Variants in PCDHA7 observed in about 807,000 individuals in gnomAD.
The protein encoded by PCDHA7 is protocadherin alpha-7.
Under a neutral mutation model 57.2 loss-of-function variants are expected in PCDHA7, and 37 were observed. The observed-to-expected ratio is 0.65, with a 90% confidence interval of 0.50 to 0.85. The LOEUF (loss-of-function observed/expected upper bound fraction) is 0.85. Ranked by LOEUF, PCDHA7 falls within the 40% of genes least tolerant of loss-of-function variation. PCDHA7 has a pLI of 0.00. For missense variants in PCDHA7, 1,188 were observed against 1,241.8 expected (o/e 0.96, Z 0.65); for synonymous variants, 553 against 558.8 (o/e 0.99, Z 0.15).
intron 1 of PCDHA7, among the ~76,000 whole-genome samples, chr5:140,950,183 GA>G (rs879992336): frequency 5.9e-5 from 9 of 151,666 alleles, no homozygotes; most frequent in African/African-American, 1.7e-4. Context: ...AATTAAGAAG[GA>G]AAAAAATAGT....
chr5:140,849,616 T>C (rs2150442441), intron 1 of PCDHA7: 3 of 1,598,578 alleles, frequency 1.9e-6, no homozygotes, highest in African/African-American at 2.7e-5. Flanking sequence ...CTGATTAGTG[T>C]GATCGACCTA....
chr5:140,841,813 T>C (rs2150323306), intron 1 of PCDHA7: 1 of 1,613,920 alleles, frequency 6.2e-7, no homozygotes, highest in Non-Finnish European at 8.5e-7. Context: ...ATGTTGGAGC[T>C]AACTCCGTGT....
At chr5:140,870,534 G>C (rs547039725) in intron 1 of PCDHA7, 2 of 1,614,032 alleles carry the variant, frequency 1.2e-6, no homozygotes, top group Non-Finnish European at 1.7e-6. Flanking sequence ...TCACAGTGTC[G>C]GCGCGGGACG....
intron 3 of PCDHA7, among the ~76,000 whole-genome samples, chr5:140,986,030 C>T (rs1190318789): frequency 2.6e-5 from 4 of 152,174 alleles, no homozygotes; most frequent in Non-Finnish European, 2.9e-5. Flanking sequence ...TGAGCCACTG[C>T]GCCTGGCCTC....
chr5:141,009,174 G>A (rs1281128951), intron 3 of PCDHA7, among the ~76,000 whole-genome samples: 1 of 152,228 alleles, frequency 6.6e-6, no homozygotes, highest in African/African-American at 2.4e-5. Flanking sequence ...ACTGGCCTTG[G>A]CTGGGTGTGG....
At chr5:140,852,867 T>A (rs2042500160) in intron 1 of PCDHA7, 1 of 952,126 alleles carries the variant, frequency 1.1e-6, no homozygotes, top group African/African-American at 1.8e-5. Context: ...TACTATGTCA[T>A]CAATAATCAT....
chr5:140,850,031 G>A (rs2150464401), intron 1 of PCDHA7: 5 of 1,596,722 alleles, frequency 3.1e-6, no homozygotes, highest in East Asian at 4.5e-5. Context: ...CAGTGCACGC[G>A]GAGAGCGGCA....
At position 140,858,141 on chromosome 5, in the gene PCDHA7, T is replaced by C. The variant is rs1247420166; in HGVS notation, c.2355+21403T>C. 4 of 1,597,496 alleles carry C rather than the reference T, an allele frequency of 2.5e-6. No individual in the cohort carries two copies. The African/African-American group carries it at 5.4e-5, about 21-fold the overall frequency. ...GCCCTGGTGGATGTCAACGTGTACC[T>C]GATCATCGCCATCTGCGCGGTGTCC... On this transcript the variant is annotated intron_variant, in intron 1 of 3. Transcript: ENST00000525929.
chr5:140,941,996 A>G (rs951664999), intron 1 of PCDHA7, among the ~76,000 whole-genome samples: 1 of 152,220 alleles, frequency 6.6e-6, no homozygotes, highest in Non-Finnish European at 1.5e-5. Flanking sequence ...AGGGATTCAT[A>G]TCTCTTATTA....
intron 1 of PCDHA7, among the ~76,000 whole-genome samples, chr5:140,952,726 A>C (rs2094788337): frequency 6.6e-6 from 1 of 152,188 alleles, no homozygotes; most frequent in African/African-American, 2.4e-5. Context: ...TTTCTGTACT[A>C]GTCTTTTCTC....
intron 3 of PCDHA7, among the ~76,000 whole-genome samples, chr5:141,008,123 G>A (rs1437358425): frequency 6.6e-6 from 1 of 152,144 alleles, no homozygotes; most frequent in East Asian, 1.9e-4. Context: ...GTTTCAAGAA[G>A]GGGATGACAA....
intron 1 of PCDHA7, chr5:140,853,685 C>T (rs1554146805): frequency 1.0e-6 from 1 of 988,006 alleles, no homozygotes; most frequent in Non-Finnish European, 1.2e-6. Context: ...TCAACCTATC[C>T]TTAGACCTGC....
intron 1 of PCDHA7, chr5:140,856,598 A>C: frequency 6.3e-7 from 1 of 1,597,872 alleles, no homozygotes; most frequent in East Asian, 2.2e-5. Context: ...TATTATAAAC[A>C]AAAAAGACAA....
At position 140,834,972 on chromosome 5, in the gene PCDHA7, C is replaced by T. The variant is rs1275898995; in HGVS notation, c.589C>T (p.Arg197Trp). ...GGTAAAACCTCTTGGACTTGTATTACGGAAACTTTTAGACAGAGAAGAAAC... is the reference window on the plus strand; with the variant it reads ...GGTAAAACCTCTTGGACTTGTATTATGGAAACTTTTAGACAGAGAAGAAAC... ...QQVKPLGLVLRKLLDREETPE... is the reference protein window; with the variant it reads ...QQVKPLGLVLWKLLDREETPE... The change falls in exon 1 of 4, where the codon CGG (arginine) becomes TGG (tryptophan). Residue 197 changes from arginine to tryptophan, a missense_variant. Physicochemically the swap from Arg to Trp is moderately radical, Grantham distance 101. This residue lies in a region of PCDHA7 where 102 missense variants were observed against 267.4 expected (regional missense o/e 0.38). Transcript: ENST00000525929. 2.0e-6 allele frequency: 3 copies of T among 1,500,634 alleles called. No homozygotes were observed. The highest frequency in any genetic ancestry group is 4.8e-5 in the East Asian group (2 of 41,932). 93.0% of individuals were successfully genotyped at this position (1,500,634 alleles called of 1,614,324 possible). A position where few individuals can be genotyped will look rare whatever the true frequency, so the allele number is the denominator to read the frequency against.
chr5:140,856,147 A>T lies in PCDHA7; in HGVS notation c.2355+19409A>T, dbSNP rs142037616. ...TGGGGAGCGGCCAGCTCCACTACTC[A>T]GTCTACGAGGAGGCCAGACACGGCA... is the stretch of plus-strand genomic sequence containing the variant. On this transcript the variant is annotated intron_variant, in intron 1 of 3. Transcript: ENST00000525929. 363 of 1,598,234 alleles carry T rather than the reference A, an allele frequency of 2.3e-4. 22 individuals are homozygous for T. In the African/African-American group the frequency reaches 3.7e-3, roughly 16 times the overall value.
chr5:141,000,419 A>ATTTTT (rs1563652468), intron 3 of PCDHA7, among the ~76,000 whole-genome samples: 15 of 60,994 alleles, frequency 2.5e-4, no homozygotes, highest in East Asian at 5.4e-4. Flanking sequence ...ATATATATAT[A>ATTTTT]TATTTTTTTT....
At position 140,850,562 on chromosome 5, in the gene PCDHA7, C is replaced by G. The variant is rs2150489447; in HGVS notation, c.2355+13824C>G. On this transcript the variant is annotated intron_variant, in intron 1 of 3. Transcript: ENST00000525929. Reference sequence around the variant, plus strand: ...GGGCGTCAGTGGGTGCCACGGGCCCCGAGGTGACGCTGGTGGATGTCAACG... The same window carrying G: ...GGGCGTCAGTGGGTGCCACGGGCCCGGAGGTGACGCTGGTGGATGTCAACG... 18 of 1,598,196 alleles carry G rather than the reference C, an allele frequency of 1.1e-5. 1 individual carries two copies. Among genetic ancestry groups the G allele is most frequent in the Admixed American group, 8.4e-5 (5 of 59,298 alleles).
chr5:140,864,892 A>G (rs1240811455), intron 1 of PCDHA7: 4 of 152,184 alleles, frequency 2.6e-5, no homozygotes, highest in African/African-American at 4.8e-5. Flanking sequence ...ATTAAGCTGC[A>G]TGGTCTTCAG....
intron 1 of PCDHA7, among the ~76,000 whole-genome samples, chr5:140,878,995 A>G (rs2057802646): frequency 6.6e-6 from 1 of 152,246 alleles, no homozygotes; most frequent in South Asian, 2.1e-4. Context: ...AAATGAGAGT[A>G]TGCCCTAGAA....
Sources: allele counts gnomAD v4.1 joint callset (sites outside exome capture counted in the v4.1 genomes callset), GRCh38; gene constraint gnomAD v4.1.1; regional missense constraint gnomAD v4.1.1; transcripts MANE v1.5; gene names NCBI Gene and HGNC (gene_info 2026-07-23, HGNC 2026-07-21).